Variants in DYSF observed in about 807,000 individuals in gnomAD.
DYSF encodes the protein dysferlin.
A neutral mutation model predicts 274.9 loss-of-function variants in DYSF; 212 were observed. The observed-to-expected ratio is 0.77, with a 90% CI of 0.69 to 0.86. The LOEUF (loss-of-function observed/expected upper bound fraction) is 0.86, where lower values mean the gene tolerates loss of function less well. Ranked by LOEUF, DYSF falls within the 40% of genes least tolerant of loss-of-function variation. The pLI is 0.00. For missense variants in DYSF, 2,666 were observed against 2,783.2 expected (o/e 0.96, Z 0.95); for synonymous variants, 1,091 against 1,078.7 (o/e 1.01, Z -0.22).
chr2:71,528,192 T>TC, intron 13 of DYSF, 106 bp from the exon 14 acceptor site: 1 of 1,020,992 alleles, frequency 9.8e-7, no homozygotes, highest in African/African-American at 1.6e-5. Context: ...GGGCCAAAGC[T>TC]TCTTGCTCAG....
intron 30 of DYSF, chr2:71,588,584 G>A (rs979774390): frequency 6.6e-6 from 1 of 152,422 alleles, no homozygotes; most frequent in Non-Finnish European, 1.5e-5. Flanking sequence ...TGGGTGGGAT[G>A]AATGGGCCGT....
At chr2:71,478,772 G>GC in intron 1 of DYSF, among the ~76,000 whole-genome samples, 1 of 152,146 alleles carries the variant, frequency 6.6e-6, no homozygotes, top group African/African-American at 2.4e-5. Flanking sequence ...ATCTCCCTGA[G>GC]CCCCTCCCTG....
At chr2:71,636,553 G>A (rs1249860668) in intron 41 of DYSF, among the ~76,000 whole-genome samples, 2 of 152,132 alleles carry the variant, frequency 1.3e-5, no homozygotes, top group Non-Finnish European at 2.9e-5. Flanking sequence ...GGAAGGATGT[G>A]GGAGGAGCAG....
chr2:71,471,413 G>A (rs1320506096), intron 1 of DYSF, among the ~76,000 whole-genome samples: 1 of 152,206 alleles, frequency 6.6e-6, no homozygotes, highest in African/African-American at 2.4e-5. Context: ...GGCACAGGGT[G>A]TTTATCTACA....
intron 45 of DYSF, among the ~76,000 whole-genome samples, chr2:71,663,173 G>A (rs774842209): frequency 1.3e-5 from 2 of 152,084 alleles, no homozygotes; most frequent in African/African-American, 2.4e-5. Context: ...GAGAGGGCCC[G>A]TCTCATGTGC....
chr2:71,549,122 G>A (rs12618247), intron 17 of DYSF, among the ~76,000 whole-genome samples: 2 of 152,206 alleles, frequency 1.3e-5, no homozygotes, highest in African/African-American at 2.4e-5. Context: ...GGGACCCCCA[G>A]GGCTCATGGG....
At chr2:71,611,665 G>A (rs1271252399) in intron 38 of DYSF, 39 bp downstream of exon 38, 1 of 1,604,896 alleles carries the variant, frequency 6.2e-7, no homozygotes, top group Non-Finnish European at 8.5e-7. Context: ...CCAGAGTCCT[G>A]GGGCTAGAAG....
intron 1 of DYSF, among the ~76,000 whole-genome samples, chr2:71,470,211 C>A (rs1305643674): frequency 6.6e-6 from 1 of 152,122 alleles, no homozygotes; most frequent in African/African-American, 2.4e-5. Context: ...TTCTTGATCT[C>A]CTGGGGGTCT....
chr2:71,679,322 C>T (rs1163246677), intron 53 of DYSF, 87 bp downstream of exon 53: 2 of 1,334,890 alleles, frequency 1.5e-6, no homozygotes, highest in African/African-American at 1.5e-5. Context: ...TCAGAAAATA[C>T]ATGCTTACTG....
At chr2:71,668,463 C>CTTT (rs2095056995) in intron 48 of DYSF, among the ~76,000 whole-genome samples, 1 of 152,120 alleles carries the variant, frequency 6.6e-6, no homozygotes, top group Non-Finnish European at 1.5e-5. Context: ...TGACACGCCA[C>CTTT]GACTGTGCAC....
chr2:71,619,442 C>T (rs548575468), intron 40 of DYSF, among the ~76,000 whole-genome samples: 4 of 152,274 alleles, frequency 2.6e-5, no homozygotes, highest in South Asian at 4.1e-4. Flanking sequence ...AGTCCCCAAA[C>T]GTCCCTCCTG....
intron 26 of DYSF, among the ~76,000 whole-genome samples, chr2:71,569,149 C>T (rs563519212): frequency 1.8e-4 from 27 of 152,368 alleles, no homozygotes; most frequent in African/African-American, 6.0e-4. Flanking sequence ...GCTGGGATTA[C>T]AGGCTTGAGC....
intron 17 of DYSF, among the ~76,000 whole-genome samples, chr2:71,543,610 A>G (rs1449592024): frequency 6.6e-6 from 1 of 152,232 alleles, no homozygotes; most frequent in Non-Finnish European, 1.5e-5. Flanking sequence ...CTGCAATCCC[A>G]GCACCTCAGG....
intron 30 of DYSF, 143 bp from the exon 31 acceptor site, chr2:71,589,450 C>G: frequency 1.4e-6 from 1 of 708,638 alleles, no homozygotes; most frequent in South Asian, 1.5e-5. Flanking sequence ...GTTGAGCTCC[C>G]CAGAATGAAA....
intron 41 of DYSF, among the ~76,000 whole-genome samples, chr2:71,635,401 T>C (rs1202661023): frequency 6.6e-6 from 1 of 152,186 alleles, no homozygotes; most frequent in Admixed American, 6.5e-5. Flanking sequence ...TTGACAGAAC[T>C]GCAATTATGT....
intron 51 of DYSF, among the ~76,000 whole-genome samples, chr2:71,671,753 G>T (rs1304181536): frequency 6.6e-6 from 1 of 152,206 alleles, no homozygotes; most frequent in Non-Finnish European, 1.5e-5. Flanking sequence ...AGTTGTGGTT[G>T]CTGATTAAGA....
At chr2:71,654,799 C>G (rs1012738937) in intron 42 of DYSF, among the ~76,000 whole-genome samples, 1 of 151,778 alleles carries the variant, frequency 6.6e-6, no homozygotes, top group African/African-American at 2.4e-5. Flanking sequence ...AAGTTACAGG[C>G]CAGGCACAGT....
chr2:71,677,649 C>T (rs1225281210), intron 52 of DYSF, among the ~76,000 whole-genome samples: 1 of 51,984 alleles, frequency 1.9e-5, no homozygotes, highest in East Asian at 4.3e-4. Context: ...CCACTTCACA[C>T]CTACTAAGAT....
At chr2:71,531,664 G>T (rs970875365) in intron 14 of DYSF, among the ~76,000 whole-genome samples, 1 of 150,816 alleles carries the variant, frequency 6.6e-6, no homozygotes, top group African/African-American at 2.4e-5. Context: ...TCACATTTTT[G>T]TGCCTTTTCT....
Sources: allele counts gnomAD v4.1 joint callset (sites outside exome capture counted in the v4.1 genomes callset), GRCh38; gene constraint gnomAD v4.1.1; transcripts MANE v1.5; gene names NCBI Gene and HGNC (gene_info 2026-07-23, HGNC 2026-07-21).